Variants in DCC observed in about 807,000 individuals in gnomAD.
DCC encodes DCC netrin 1 receptor.
DCC carries 58 observed loss-of-function variants against 172.5 expected under a neutral mutation model. That is an observed-to-expected ratio of 0.34 (90% CI 0.27 to 0.42). The LOEUF is 0.42. DCC is among the 10% of genes least tolerant of loss of function. DCC has a pLI of 1.00. For missense variants in DCC, 1,740 were observed against 1,791.0 expected (o/e 0.97, Z 0.51); for synonymous variants, 709 against 644.5 (o/e 1.10, Z -1.52).
intron 12 of DCC, among the ~76,000 whole-genome samples, chr18:53,224,169 G>A (rs888533665): frequency 1.3e-5 from 2 of 152,152 alleles, no homozygotes; most frequent in African/African-American, 2.4e-5. Context: ...ACAGTCATGC[G>A]ATAGAATTTG....
chr18:52,687,483 C>A (rs1400438409), intron 1 of DCC, among the ~76,000 whole-genome samples: 1 of 151,964 alleles, frequency 6.6e-6, no homozygotes, highest in Non-Finnish European at 1.5e-5. Flanking sequence ...CAAGGTTTCA[C>A]CATGTTGGCC....
chr18:53,066,026 C>T lies in DCC; in HGVS notation c.1141-20C>T. The T allele has an allele frequency of 6.2e-7, 1 of 1,611,962 alleles. No individual in the cohort carries two copies. Among genetic ancestry groups the T allele is most frequent in the Non-Finnish European group, 8.5e-7 (1 of 1,178,684 alleles). ...TTTTTTGCTTTCTAAAATACTTTAC[C>T]TGCTTTTTCTTTTCCCTAGGGAGGA... On this transcript the variant is annotated intron_variant, in intron 6 of 28. Transcript: ENST00000442544.
At chr18:52,352,990 G>A (rs1398606727) in intron 1 of DCC, among the ~76,000 whole-genome samples, 1 of 152,166 alleles carries the variant, frequency 6.6e-6, no homozygotes, top group Non-Finnish European at 1.5e-5. Context: ...AGATAGGGAG[G>A]TGATCCTTGC....
intron 1 of DCC, among the ~76,000 whole-genome samples, chr18:52,411,599 A>G (rs917917558): frequency 6.6e-6 from 1 of 152,168 alleles, no homozygotes; most frequent in African/African-American, 2.4e-5. Context: ...GCTATAAGTA[A>G]CTACTAGGAA....
At chr18:53,160,396 GT>G (rs1278414184) in intron 8 of DCC, among the ~76,000 whole-genome samples, 4 of 152,118 alleles carry the variant, frequency 2.6e-5, no homozygotes, top group African/African-American at 9.7e-5. Flanking sequence ...TATAGTTCCT[GT>G]TTTCCTTCAC....
chr18:53,502,623 A>G (rs905440096), intron 27 of DCC, among the ~76,000 whole-genome samples: 1 of 152,208 alleles, frequency 6.6e-6, no homozygotes, highest in African/African-American at 2.4e-5. Context: ...AGCTTTTAAA[A>G]AAAATACCTC....
chr18:53,498,682 T>C (rs1011514399), intron 26 of DCC, among the ~76,000 whole-genome samples: 2 of 152,234 alleles, frequency 1.3e-5, no homozygotes, highest in African/African-American at 4.8e-5. Flanking sequence ...CAAGGTTTAC[T>C]ATCAAAGAGG....
At chr18:53,050,086 A>G (rs1377550312) in intron 5 of DCC, among the ~76,000 whole-genome samples, 2 of 152,132 alleles carry the variant, frequency 1.3e-5, no homozygotes, top group East Asian at 3.9e-4. Context: ...GTTCAAGGGC[A>G]GGAAGCATCC....
At chr18:53,283,466 T>G (rs199931420) in intron 12 of DCC, among the ~76,000 whole-genome samples, 2 of 152,284 alleles carry the variant, frequency 1.3e-5, no homozygotes, top group South Asian at 4.1e-4. Context: ...ACTGATTTGA[T>G]GTATATTATT....
At chr18:52,686,434 C>T (rs1006638485) in intron 1 of DCC, among the ~76,000 whole-genome samples, 4 of 152,088 alleles carry the variant, frequency 2.6e-5, no homozygotes, top group African/African-American at 9.7e-5. Context: ...CTCAATTTCC[C>T]TTTGTTTACC....
At chr18:53,247,524 C>A (rs1470171592) in intron 12 of DCC, among the ~76,000 whole-genome samples, 1 of 152,006 alleles carries the variant, frequency 6.6e-6, no homozygotes, top group African/African-American at 2.4e-5. Flanking sequence ...TAGCACAATA[C>A]AGGCTTTGAC....
At chr18:52,833,356 C>T (rs1443146688) in intron 2 of DCC, among the ~76,000 whole-genome samples, 2 of 152,118 alleles carry the variant, frequency 1.3e-5, no homozygotes, top group Non-Finnish European at 2.9e-5. Context: ...AATTCCAACC[C>T]ATAAACATTT....
chr18:53,446,841 AT>A (rs749910490), intron 22 of DCC, among the ~76,000 whole-genome samples: 181 of 151,854 alleles, frequency 1.2e-3, no homozygotes, highest in Non-Finnish European at 1.7e-3. Context: ...CAATTTTTCC[AT>A]TTTTTTCTTT....
intron 15 of DCC, among the ~76,000 whole-genome samples, chr18:53,355,936 G>C (rs1423662771): frequency 6.6e-6 from 1 of 152,006 alleles, no homozygotes; most frequent in Non-Finnish European, 1.5e-5. Context: ...GAATTGTTGA[G>C]ATACTTCATC....
intron 1 of DCC, among the ~76,000 whole-genome samples, chr18:52,623,719 C>A (rs1012806578): frequency 5.3e-5 from 8 of 152,042 alleles, no homozygotes; most frequent in Admixed American, 4.6e-4. Context: ...CCCTTATGTT[C>A]TATTTTCTTT....
intron 2 of DCC, among the ~76,000 whole-genome samples, chr18:52,789,387 T>C (rs1201090340): frequency 6.6e-6 from 1 of 152,162 alleles, no homozygotes; most frequent in Non-Finnish European, 1.5e-5. Context: ...AGAAAAATGA[T>C]TCAGTTGACT....
intron 2 of DCC, among the ~76,000 whole-genome samples, chr18:52,818,547 C>T (rs16955566): frequency 0.11 from 17,185 of 151,876 alleles, 1,069 homozygotes; most frequent in South Asian, 0.2. Context: ...TTTATGCTTA[C>T]TGAGCTTATT....
At chr18:52,847,436 C>T (rs1161621889) in intron 2 of DCC, among the ~76,000 whole-genome samples, 6 of 152,104 alleles carry the variant, frequency 3.9e-5, no homozygotes, top group Admixed American at 1.3e-4. Context: ...GGGCTCAGAA[C>T]GGTAGCTATC....
intron 5 of DCC, among the ~76,000 whole-genome samples, chr18:52,988,649 ATTAG>A (rs981961732): frequency 4.6e-5 from 7 of 152,118 alleles, no homozygotes; most frequent in African/African-American, 1.4e-4. Flanking sequence ...ATTTGTTTCT[ATTAG>A]TTTATTTTAC....
Sources: gnomAD v4.1 joint callset for allele counts (sites outside exome capture counted in the v4.1 genomes callset) on GRCh38, gnomAD v4.1.1 for gene constraint, MANE v1.5 for transcripts, NCBI Gene and HGNC (gene_info 2026-07-23, HGNC 2026-07-21) for gene names.